TBC1D22A: variants seen among roughly 807,000 people sequenced by gnomAD.
TBC1D22A encodes putative GTPase activator.
Under a neutral mutation model 60.2 loss-of-function variants are expected in TBC1D22A, and 38 were observed. The observed-to-expected ratio is 0.63, with a 90% confidence interval of 0.49 to 0.83. The LOEUF is 0.83. Among genes scored for constraint, TBC1D22A ranks in the 40% least tolerant of loss-of-function variants. TBC1D22A has a pLI of 0.00. For synonymous variants in TBC1D22A, 302 were observed against 281.7 expected, an observed-to-expected ratio of 1.07 and a Z score of -0.72; for missense variants, 628 against 701.0, an observed-to-expected ratio of 0.90 and a Z score of 1.18.
chr22:47,159,154 C>T (rs2067846760), intron 12 of TBC1D22A, among the ~76,000 whole-genome samples: 2 of 150,914 alleles, frequency 1.3e-5, no homozygotes, highest in African/African-American at 4.9e-5. Context: ...ACACATCACA[C>T]ACACCATGTG....
At chr22:46,798,026 C>T (rs761263148) in intron 4 of TBC1D22A, among the ~76,000 whole-genome samples, 14 of 152,048 alleles carry the variant, frequency 9.2e-5, no homozygotes, top group Non-Finnish European at 1.9e-4. Flanking sequence ...ATTGTGCCAC[C>T]ATGCTCACCA....
chr22:47,004,186 A>G (rs2061501012), intron 10 of TBC1D22A, among the ~76,000 whole-genome samples: 1 of 144,080 alleles, frequency 6.9e-6, no homozygotes, highest in Non-Finnish European at 1.5e-5. Flanking sequence ...ACATGCCTAT[A>G]TATATACTCC....
At chr22:46,966,719 A>G (rs544853668) in intron 8 of TBC1D22A, among the ~76,000 whole-genome samples, 104 of 152,288 alleles carry the variant, frequency 6.8e-4, no homozygotes, top group Non-Finnish European at 1.2e-3. Flanking sequence ...TATTTTCCCA[A>G]GTGTTGCCTG....
chr22:47,136,910 A>G (rs1411598055), intron 12 of TBC1D22A, among the ~76,000 whole-genome samples: 1 of 152,108 alleles, frequency 6.6e-6, no homozygotes, highest in Admixed American at 6.5e-5. Context: ...CCGGTGTCCC[A>G]TCTCACGGTA....
At chr22:46,869,008 G>A (rs1192336604) in intron 4 of TBC1D22A, among the ~76,000 whole-genome samples, 1 of 152,166 alleles carries the variant, frequency 6.6e-6, no homozygotes, top group South Asian at 2.1e-4. Flanking sequence ...TCAGTTGGCC[G>A]CTCCGTGTTG....
intron 4 of TBC1D22A, among the ~76,000 whole-genome samples, chr22:46,862,480 C>T (rs1181879294): frequency 6.6e-6 from 1 of 152,212 alleles, no homozygotes; most frequent in African/African-American, 2.4e-5. Flanking sequence ...TGTATGCACT[C>T]TGTGGCTTGT....
At chr22:46,891,035 G>C (rs959731897) in intron 5 of TBC1D22A, among the ~76,000 whole-genome samples, 1 of 152,172 alleles carries the variant, frequency 6.6e-6, no homozygotes, top group Non-Finnish European at 1.5e-5. Flanking sequence ...GGCTGCGGAC[G>C]CAAGCCCAGG....
At chr22:46,895,859 G>T (rs1324306601) in intron 7 of TBC1D22A, among the ~76,000 whole-genome samples, 2 of 152,194 alleles carry the variant, frequency 1.3e-5, no homozygotes, top group Non-Finnish European at 2.9e-5. Flanking sequence ...TCACAGGCAA[G>T]ATTTCTCTAA....
At chr22:47,044,126 G>A (rs193108295) in intron 11 of TBC1D22A, among the ~76,000 whole-genome samples, 1 of 152,328 alleles carries the variant, frequency 6.6e-6, no homozygotes, top group South Asian at 2.1e-4. Context: ...TCAGGGCAGA[G>A]TAGGGGGCCG....
chr22:46,825,323 A>C (rs1260142388), intron 4 of TBC1D22A, among the ~76,000 whole-genome samples: 1 of 152,052 alleles, frequency 6.6e-6, no homozygotes, highest in Non-Finnish European at 1.5e-5. Context: ...TCCTCTCTGC[A>C]GGGGCCCAGC....
intron 1 of TBC1D22A, among the ~76,000 whole-genome samples, chr22:46,787,085 G>T (rs1401684789): frequency 6.6e-6 from 1 of 152,108 alleles, no homozygotes; most frequent in African/African-American, 2.4e-5. Flanking sequence ...TTTGCGCATT[G>T]TATCTAATTA....
chr22:46,847,946 T>C (rs1471699017), intron 4 of TBC1D22A, among the ~76,000 whole-genome samples: 1 of 130,344 alleles, frequency 7.7e-6, no homozygotes, highest in Non-Finnish European at 1.7e-5. Context: ...TGTGTGTGTG[T>C]GTGTGTGTGC....
intron 4 of TBC1D22A, among the ~76,000 whole-genome samples, chr22:46,853,432 G>A (rs866019892): frequency 6.6e-5 from 10 of 152,322 alleles, no homozygotes; most frequent in South Asian, 2.1e-4. Flanking sequence ...TGTCCTTTAC[G>A]TGAGGGTAGG....
At chr22:47,006,257 A>G (rs1043137481) in intron 10 of TBC1D22A, among the ~76,000 whole-genome samples, 21 of 152,194 alleles carry the variant, frequency 1.4e-4, no homozygotes, top group Admixed American at 2.0e-4. Flanking sequence ...TGAGCTATAA[A>G]TAAACTTTTC....
intron 1 of TBC1D22A, among the ~76,000 whole-genome samples, chr22:46,785,465 G>T (rs1344397208): frequency 2.0e-5 from 3 of 152,174 alleles, no homozygotes; most frequent in Non-Finnish European, 4.4e-5. Flanking sequence ...ACCCACAATA[G>T]CCTTCACCCA....
At chr22:47,056,687 G>A (rs1242164438) in intron 11 of TBC1D22A, among the ~76,000 whole-genome samples, 1 of 152,160 alleles carries the variant, frequency 6.6e-6, no homozygotes, top group Non-Finnish European at 1.5e-5. Context: ...CAACCCCAGG[G>A]ATTCAGAGGA....
At chr22:46,909,307 C>T (rs944778218) in intron 7 of TBC1D22A, among the ~76,000 whole-genome samples, 5 of 152,036 alleles carry the variant, frequency 3.3e-5, no homozygotes, top group African/African-American at 1.2e-4. Context: ...CACACACACA[C>T]ACACACTCAC....
At chr22:46,774,998 A>C (rs1176617459) in intron 1 of TBC1D22A, among the ~76,000 whole-genome samples, 2 of 152,142 alleles carry the variant, frequency 1.3e-5, no homozygotes, top group African/African-American at 4.8e-5. Flanking sequence ...ATTTTTACTA[A>C]ACTAAAAAAT....
At chr22:47,072,905 A>G (rs1242433656) in intron 11 of TBC1D22A, among the ~76,000 whole-genome samples, 1 of 152,242 alleles carries the variant, frequency 6.6e-6, no homozygotes. Flanking sequence ...CCAGCTGCAG[A>G]CAAGGGAGGG....
Sources: allele counts gnomAD v4.1 joint callset (sites outside exome capture counted in the v4.1 genomes callset), GRCh38; gene constraint gnomAD v4.1.1; transcripts MANE v1.5; gene names NCBI Gene and HGNC (gene_info 2026-07-23, HGNC 2026-07-21).